SCLT1: variants seen among roughly 807,000 people sequenced by gnomAD.
SCLT1 encodes sodium channel-associated protein 1.
Under a neutral mutation model 112.8 loss-of-function variants are expected in SCLT1, and 78 were observed. That is an observed-to-expected ratio of 0.69 (90% confidence interval 0.58 to 0.83). The LOEUF is 0.83. Ranked by LOEUF, SCLT1 falls within the 40% of genes least tolerant of loss-of-function variation. SCLT1 has a pLI of 0.00. For synonymous variants in SCLT1, 257 were observed against 254.7 expected (o/e 1.01, Z -0.09); for missense variants, 747 against 770.4 (o/e 0.97, Z 0.36).
chr4:129,030,845 A>G (rs1029863599), intron 5 of SCLT1, among the ~76,000 whole-genome samples: 1 of 152,080 alleles, frequency 6.6e-6, no homozygotes, highest in African/African-American at 2.4e-5. Context: ...CAAGCCCAGG[A>G]CCAGACAGAT....
chr4:129,080,356 A>C (rs1751829515), intron 2 of SCLT1, among the ~76,000 whole-genome samples: 1 of 152,204 alleles, frequency 6.6e-6, no homozygotes, highest in South Asian at 2.1e-4. Flanking sequence ...AACACATATG[A>C]ACTTACACTG....
intron 18 of SCLT1, among the ~76,000 whole-genome samples, chr4:128,935,432 TTAAGAGCATAGTGTC>T (rs1476966212): frequency 1.3e-5 from 2 of 152,078 alleles, no homozygotes; most frequent in African/African-American, 4.8e-5. Context: ...AACATAATGG[TTAAGAGCATAGTGTC>T]TTTACCCAAA....
At chr4:128,884,890 A>C (rs1260404415) in intron 20 of SCLT1, among the ~76,000 whole-genome samples, 1 of 152,048 alleles carries the variant, frequency 6.6e-6, no homozygotes, top group Non-Finnish European at 1.5e-5. Context: ...CAAGCAATCC[A>C]CCCACCTTGG....
rs77327692 is a variant in SCLT1, at chr4:129,066,605, G to A, written c.102+15701C>T. On this transcript the variant is annotated intron_variant, in intron 2 of 20. Coordinates refer to ENST00000281142, the MANE Select transcript of SCLT1 (RefSeq NM_144643.4). The stretch of plus-strand genomic sequence containing the variant: ...TTCAAGACTGTACTGAAACATTATC[G>A]CAAAATTAAAGAATTAGACAAAATC... 4.8e-3 allele frequency among the ~76,000 whole-genome samples: 722 copies of A among 151,972 alleles called. 4 individuals are homozygous for A. The highest frequency in any genetic ancestry group is 0.016 in the African/African-American group (658 of 41,486).
At chr4:129,004,744 CTT>C (rs1743842815) in intron 5 of SCLT1, among the ~76,000 whole-genome samples, 1 of 151,616 alleles carries the variant, frequency 6.6e-6, no homozygotes, top group Non-Finnish European at 1.5e-5. Flanking sequence ...AACAAGAAAA[CTT>C]AAATCTTGAT....
chr4:128,982,951 C>T (rs887152368), intron 9 of SCLT1, among the ~76,000 whole-genome samples: 5 of 152,176 alleles, frequency 3.3e-5, no homozygotes, highest in African/African-American at 4.8e-5. Flanking sequence ...TGCAATGGCA[C>T]GATCTCGGCT....
At chr4:128,926,029 A>T (rs569829609) in intron 18 of SCLT1, among the ~76,000 whole-genome samples, 2 of 146,608 alleles carry the variant, frequency 1.4e-5, no homozygotes, top group East Asian at 3.9e-4. Context: ...AATAAAAATT[A>T]AAAAAATAAT....
intron 2 of SCLT1, among the ~76,000 whole-genome samples, chr4:129,051,954 G>A (rs775959102): frequency 1.3e-4 from 20 of 152,130 alleles, no homozygotes; most frequent in South Asian, 8.3e-4. Context: ...GAATTTTGTC[G>A]AAGGCTTTTT....
At chr4:129,033,922 T>C (rs924473023) in intron 5 of SCLT1, among the ~76,000 whole-genome samples, 2 of 152,132 alleles carry the variant, frequency 1.3e-5, no homozygotes, top group African/African-American at 4.8e-5. Context: ...AAAATAGATA[T>C]TTAAAACTTC....
intron 13 of SCLT1, among the ~76,000 whole-genome samples, chr4:128,955,595 A>G (rs1739152929): frequency 6.6e-6 from 1 of 152,194 alleles, no homozygotes; most frequent in Non-Finnish European, 1.5e-5. Flanking sequence ...GTTATTCTCA[A>G]TTCAACAGGT....
At chr4:129,019,643 TTGTG>T (rs1212022719) in intron 5 of SCLT1, among the ~76,000 whole-genome samples, 1 of 151,968 alleles carries the variant, frequency 6.6e-6, no homozygotes, top group Non-Finnish European at 1.5e-5. Flanking sequence ...CGCTATATTT[TTGTG>T]TATTTTTTTA....
chr4:129,025,673 T>C lies in SCLT1; in HGVS notation c.290+13368A>G, dbSNP rs532595440. Among the ~76,000 whole-genome samples the C allele has an allele frequency of 3.3e-4, 51 of 152,254 alleles. 1 individual carries two copies. In the South Asian group the frequency reaches 9.5e-3, roughly 29 times the overall value. On this transcript the variant is annotated intron_variant, in intron 5 of 20. Coordinates refer to ENST00000281142, the MANE Select transcript of SCLT1 (RefSeq NM_144643.4). The stretch of plus-strand genomic sequence containing the variant: ...GCAAAATAACCAGCTAACATCATAA[T>C]GACAGGATCAAATTCACACATAACA...
intron 18 of SCLT1, among the ~76,000 whole-genome samples, chr4:128,933,676 A>G (rs17013948): frequency 0.033 from 5,001 of 152,264 alleles, 226 homozygotes; most frequent in African/African-American, 0.1. Context: ...ACTGAACTAG[A>G]GAATACACGT....
chr4:128,952,475 C>A, intron 14 of SCLT1: 1 of 519,958 alleles, frequency 1.9e-6, no homozygotes, highest in Non-Finnish European at 3.7e-6. Context: ...CCTTGGTTTC[C>A]CAGATAAACT....
chr4:129,005,396 C>G (rs1486334748), intron 5 of SCLT1, among the ~76,000 whole-genome samples: 2 of 152,056 alleles, frequency 1.3e-5, no homozygotes, highest in Non-Finnish European at 2.9e-5. Context: ...TGTTACGCAG[C>G]CAAAAGACAC....
intron 5 of SCLT1, chr4:129,036,752 T>C (rs1191111241): frequency 6.6e-6 from 1 of 151,952 alleles, no homozygotes. Context: ...GTGGGTGTGC[T>C]ATGTAATTTT....
intron 2 of SCLT1, among the ~76,000 whole-genome samples, chr4:129,077,443 C>A (rs1432807810): frequency 6.6e-6 from 1 of 152,168 alleles, no homozygotes; most frequent in Non-Finnish European, 1.5e-5. Flanking sequence ...ATTTCCCAAG[C>A]TGACCATGAC....
At chr4:128,923,436 C>T (rs991020954) in intron 18 of SCLT1, among the ~76,000 whole-genome samples, 8 of 111,736 alleles carry the variant, frequency 7.2e-5, no homozygotes, top group Non-Finnish European at 1.1e-4. Flanking sequence ...CAGAGTGAGA[C>T]TCCATCTCAA....
chr4:129,052,325 T>C (rs922832155), intron 2 of SCLT1, among the ~76,000 whole-genome samples: 1 of 152,162 alleles, frequency 6.6e-6, no homozygotes, highest in Non-Finnish European at 1.5e-5. Context: ...GTACCTCTGG[T>C]AGAATCCGGC....
Sources: gnomAD v4.1 joint callset for allele counts (sites outside exome capture counted in the v4.1 genomes callset) on GRCh38, gnomAD v4.1.1 for gene constraint, MANE v1.5 for transcripts, NCBI Gene and HGNC (gene_info 2026-07-23, HGNC 2026-07-21) for gene names.